The following RTCB variants were observed in gnomAD, a reference collection of about 807,000 sequenced individuals.
RTCB encodes the protein RNA-splicing ligase RTCB.
In RTCB, 32 loss-of-function variants were observed where a neutral mutation model predicts 58.2. The ratio of observed to expected loss-of-function variants is 0.55; its 90% CI spans 0.41 to 0.74. The LOEUF (loss-of-function observed/expected upper bound fraction) is 0.74. Ranked by LOEUF, RTCB falls within the 30% of genes least tolerant of loss-of-function variation. RTCB has a pLI of 0.00. For missense variants in RTCB, 523 were observed against 639.0 expected, an observed-to-expected ratio of 0.82 and a Z score of 1.96; for synonymous variants, 247 against 218.6, an observed-to-expected ratio of 1.13 and a Z score of -1.15.
At position 32,412,128 on chromosome 22, in the gene RTCB, T is replaced by C; in HGVS notation, c.29A>G (p.Gln10Arg). The change falls in exon 1 of 12, where the codon CAG becomes CGG. Residue 10 changes from glutamine to arginine, a missense_variant. Physicochemically the swap from Gln to Arg is conservative, Grantham distance 43 (BLOSUM62 1). Around this residue, in one of 3 missense-constraint regions of RTCB, gnomAD observed 134 missense variants for 129.9 expected, o/e 1.03. Coordinates refer to ENST00000216038, the MANE Select transcript of RTCB (RefSeq NM_014306.5). ...GTTTTTATTGATCTTCTCCAAGAAC[T>C]GCAGCTCATCATTATAGCTGCGACT... MSRSYNDEL[Q>R]FLEKINKNCW... 3 of 1,605,868 alleles carry C rather than the reference T, an allele frequency of 1.9e-6. No individual in the cohort carries two copies. The highest frequency in any genetic ancestry group is 8.5e-7 in the Non-Finnish European group (1 of 1,177,100).
chr22:32,399,023 T>TTA (rs929730710), intron 6 of RTCB, among the ~76,000 whole-genome samples: 4 of 152,242 alleles, frequency 2.6e-5, no homozygotes, highest in African/African-American at 9.6e-5. Context: ...TAGTATATTC[T>TTA]TATCTCATGG....
chr22:32,396,566 G>C (rs748191041), intron 7 of RTCB, among the ~76,000 whole-genome samples: 73 of 152,186 alleles, frequency 4.8e-4, no homozygotes, highest in Non-Finnish European at 7.5e-4. Context: ...TGAATGCATG[G>C]GAATAGTAGT....
In RTCB at chr22:32,393,897, C is replaced by T. The variant is rs967594700; in HGVS notation, c.1285G>A (p.Gly429Arg). 6.2e-7 allele frequency: 1 copy of T among 1,610,110 alleles called. No individual in the cohort carries two copies. The highest frequency in any genetic ancestry group is 8.5e-7 in the Non-Finnish European group (1 of 1,176,466). Residue 429 changes from glycine (G) to arginine (R), a missense_variant, in exon 10 of 12, where the codon GGA becomes AGA. Around this residue, in one of 3 missense-constraint regions of RTCB, gnomAD observed 248 missense variants for 292.5 expected, o/e 0.85. Transcript: ENST00000216038. ...GAAGTTTCTGTTTTCCTTACCGCTC[C>T]ATGACAGGTTGTTCCAAAGGTCTCA... ...MTETFGTTCH[G>R]AGRALSRAKS...
chr22:32,404,483 TG>T (rs1218537479), intron 4 of RTCB, among the ~76,000 whole-genome samples: 1 of 152,198 alleles, frequency 6.6e-6, no homozygotes, highest in African/African-American at 2.4e-5. Context: ...CATAGCTCAC[TG>T]TAGCCTCAAC....
rs756871532 is a variant in RTCB, at chr22:32,392,328, C to T, written c.1322G>A (p.Arg441His). The stretch of plus-strand genomic sequence containing the variant: ...TAAGACATCCTGGAAATCTAAATTA[C>T]GTCGAGATTTTGCTCGGGACAATGC... ...GRALSRAKSR[R>H]NLDFQDVLDK... Residue 441 changes from arginine (R) to histidine (H), a missense_variant, in exon 11 of 12, where the codon CGT (arginine) becomes CAT (histidine). Coordinates refer to ENST00000216038, the MANE Select transcript of RTCB (RefSeq NM_014306.5). 5.6e-6 allele frequency: 9 copies of T among 1,614,048 alleles called. No individual in the cohort carries two copies. The Admixed American group carries it at 6.7e-5, about 12-fold the overall frequency.
At chr22:32,403,939 G>C (rs917382363) in intron 4 of RTCB, among the ~76,000 whole-genome samples, 1 of 152,116 alleles carries the variant, frequency 6.6e-6, no homozygotes, top group African/African-American at 2.4e-5. Flanking sequence ...TAGTATTTTC[G>C]TTTCTGTGTC....
At chr22:32,408,877 G>A (rs746989777) in intron 1 of RTCB, 44 bp from the exon 2 acceptor site, 73 of 1,322,134 alleles carry the variant, frequency 5.5e-5, no homozygotes, top group South Asian at 1.8e-4. Context: ...GTACATGCGC[G>A]GCAAGTGTAG....
Position 32,392,271 on chromosome 22 carries a change from C to A in RTCB, c.1379G>T (p.Arg460Leu). 2 of 1,613,746 alleles carry A rather than the reference C, an allele frequency of 1.2e-6. No homozygotes were observed. Among genetic ancestry groups the A allele is most frequent in the Non-Finnish European group, 1.7e-6 (2 of 1,179,932 alleles). Reference protein sequence around the residue: ...DKLADMGIAIRVASPKLVMEE... With the variant: ...DKLADMGIAILVASPKLVMEE... ...CATAACCAGTTTGGGTGAGGCAACACGGATCGCAATTCCCATATCTGCCAA... is the reference window on the plus strand; with the variant it reads ...CATAACCAGTTTGGGTGAGGCAACAAGGATCGCAATTCCCATATCTGCCAA... The change falls in exon 11 of 12, where the codon CGT becomes CTT. Residue 460 changes from arginine (R) to leucine (L), a missense_variant. Arg to Leu is a moderately radical substitution (Grantham distance 102). Coordinates refer to ENST00000216038, the MANE Select transcript of RTCB (RefSeq NM_014306.5).
intron 6 of RTCB, among the ~76,000 whole-genome samples, chr22:32,399,293 T>C (rs957838046): frequency 7.2e-5 from 11 of 151,998 alleles, no homozygotes; most frequent in South Asian, 6.2e-4. Context: ...TGTGCCACCA[T>C]GCCTGGCTAA....
intron 4 of RTCB, among the ~76,000 whole-genome samples, chr22:32,403,861 C>T (rs1360999424): frequency 1.3e-5 from 2 of 152,194 alleles, no homozygotes; most frequent in Admixed American, 6.5e-5. Context: ...AACATCCACC[C>T]TGTTAGCACC....
intron 5 of RTCB, among the ~76,000 whole-genome samples, chr22:32,400,550 T>C (rs1319580750): frequency 6.6e-6 from 1 of 152,202 alleles, no homozygotes; most frequent in East Asian, 1.9e-4. Flanking sequence ...ATTTCAGTAT[T>C]AGTAGACAAA....
chr22:32,405,550 T>C (rs1569442751), intron 4 of RTCB, among the ~76,000 whole-genome samples: 1 of 152,222 alleles, frequency 6.6e-6, no homozygotes, highest in Non-Finnish European at 1.5e-5. Flanking sequence ...ATTCAAATCA[T>C]GTATATTCTT....
At chr22:32,401,934 G>C in intron 4 of RTCB, 31 bp from the exon 5 acceptor site, 1 of 1,609,408 alleles carries the variant, frequency 6.2e-7, no homozygotes, top group Non-Finnish European at 8.5e-7. Context: ...AGCAAAACCA[G>C]CTGGTAAGGC....
chr22:32,410,218 C>T (rs940383263), intron 1 of RTCB, among the ~76,000 whole-genome samples: 4 of 152,142 alleles, frequency 2.6e-5, no homozygotes, highest in East Asian at 1.9e-4. Flanking sequence ...GGAAGTGCCT[C>T]AACAGTCTAG....
At chr22:32,412,024 C>T in intron 1 of RTCB, 40 bp downstream of exon 1, 1 of 1,521,668 alleles carries the variant, frequency 6.6e-7, no homozygotes. Context: ...GGGCCGGGGA[C>T]GGAGCACGGA....
intron 8 of RTCB, 61 bp from the exon 9 acceptor site, chr22:32,395,275 G>T: frequency 7.0e-7 from 1 of 1,421,708 alleles, no homozygotes; most frequent in Middle Eastern, 1.8e-4. Flanking sequence ...TCAGCTCTTC[G>T]TGACTCATCT....
intron 1 of RTCB, among the ~76,000 whole-genome samples, chr22:32,410,491 T>C (rs1198949057): frequency 1.3e-5 from 2 of 152,114 alleles, no homozygotes; most frequent in Non-Finnish European, 2.9e-5. Context: ...GTCAATAGCG[T>C]TTTAAGAGCA....
At chr22:32,408,323 AACGTGAAG>A in intron 2 of RTCB, 81 bp from the exon 3 acceptor site, 2 of 1,217,442 alleles carry the variant, frequency 1.6e-6, no homozygotes, top group Non-Finnish European at 2.4e-6. Context: ...TAGACTGTAT[AACGTGAAG>A]AGGTAGTCAT....
intron 4 of RTCB, among the ~76,000 whole-genome samples, chr22:32,406,306 A>G (rs916633171): frequency 6.6e-6 from 1 of 152,090 alleles, no homozygotes; most frequent in Non-Finnish European, 1.5e-5. Context: ...CACAAAGGCT[A>G]TGGTCCATAG....
Sources: gnomAD v4.1 joint callset for allele counts (sites outside exome capture counted in the v4.1 genomes callset) on GRCh38, gnomAD v4.1.1 for gene constraint, gnomAD v4.1.1 regional missense constraint, MANE v1.5 for transcripts, NCBI Gene and HGNC (gene_info 2026-07-23, HGNC 2026-07-21) for gene names.